Variants in BRCA1 observed in about 807,000 individuals in gnomAD.
BRCA1 encodes breast cancer type 1 susceptibility protein.
A neutral mutation model predicts 173.7 loss-of-function variants in BRCA1; 140 were observed. The observed-to-expected ratio is 0.81, with a 90% CI of 0.70 to 0.93. The LOEUF (loss-of-function observed/expected upper bound fraction) is 0.93. Among genes scored for constraint, BRCA1 ranks in the 40% least tolerant of loss-of-function variants. The pLI is 0.00. For missense variants in BRCA1, 1,983 were observed against 2,172.5 expected, an observed-to-expected ratio of 0.91 and a Z score of 1.73; for synonymous variants, 662 against 756.0, an observed-to-expected ratio of 0.88 and a Z score of 2.04.
In BRCA1 at chr17:43,048,199, T is replaced by C. The variant is rs1296701256; in HGVS notation, c.5407-496A>G. 2.6e-5 allele frequency among the ~76,000 whole-genome samples: 4 copies of C among 151,614 alleles called. No individual in the cohort carries two copies. The East Asian group carries it at 7.8e-4, about 30-fold the overall frequency. ...GTGGGGCACTGGCCCAGCCCATCATTTCTCTCTCTCTCTTTTTTTTTGAGA... is the reference window on the plus strand; with the variant it reads ...GTGGGGCACTGGCCCAGCCCATCATCTCTCTCTCTCTCTTTTTTTTTGAGA... On this transcript the variant is annotated intron_variant, in intron 21 of 22. Coordinates refer to ENST00000357654, the MANE Select transcript of BRCA1 (RefSeq NM_007294.4).
At chr17:43,064,060 G>T in intron 16 of BRCA1, 109 bp from the exon 17 acceptor site, 1 of 878,880 alleles carries the variant, frequency 1.1e-6, no homozygotes, top group Non-Finnish European at 1.9e-6. Flanking sequence ...GATCAATCTG[G>T]ATTTATGATT....
At chr17:43,161,520 T>C (rs1475021514) in intron 1 of BRCA1, 1 of 152,182 alleles carries the variant, frequency 6.6e-6, no homozygotes, top group African/African-American at 2.4e-5. Context: ...GTAGGCTCTA[T>C]GTCCACATAT....
intron 2 of BRCA1, among the ~76,000 whole-genome samples, chr17:43,117,473 G>A (rs2055348166): frequency 6.6e-6 from 1 of 151,996 alleles, no homozygotes; most frequent in African/African-American, 2.4e-5. Flanking sequence ...CAGACACGGG[G>A]GCTCATGCTT....
intron 1 of BRCA1, among the ~76,000 whole-genome samples, chr17:43,135,571 C>T (rs943621289): frequency 6.6e-6 from 1 of 152,190 alleles, no homozygotes; most frequent in Admixed American, 6.5e-5. Flanking sequence ...CCTTCATCCG[C>T]GTGGAACCTT....
At chr17:43,165,043 T>C (rs1284832437) in intron 1 of BRCA1, among the ~76,000 whole-genome samples, 1 of 152,192 alleles carries the variant, frequency 6.6e-6, no homozygotes, top group Non-Finnish European at 1.5e-5. Flanking sequence ...TAACAGTGCT[T>C]CTCGTATGAT....
intron 14 of BRCA1, among the ~76,000 whole-genome samples, chr17:43,071,582 C>A (rs2052445998): frequency 6.6e-6 from 1 of 151,960 alleles, no homozygotes; most frequent in African/African-American, 2.4e-5. Flanking sequence ...TTACGATATA[C>A]CTAGTCCAAT....
chr17:43,156,188 G>C (rs1268485437), intron 1 of BRCA1, among the ~76,000 whole-genome samples: 1 of 151,874 alleles, frequency 6.6e-6, no homozygotes, highest in African/African-American at 2.4e-5. Flanking sequence ...AGTCAGATGA[G>C]ATTGTGCCAC....
intron 3 of BRCA1, among the ~76,000 whole-genome samples, chr17:43,115,181 C>T (rs773082670): frequency 6.6e-5 from 10 of 152,164 alleles, no homozygotes; most frequent in African/African-American, 1.2e-4. Context: ...ATACAAAACA[C>T]TGTTCAAAAT....
At chr17:43,090,662 C>T (rs898513232) in intron 11 of BRCA1, among the ~76,000 whole-genome samples, 3 of 152,008 alleles carry the variant, frequency 2.0e-5, no homozygotes, top group South Asian at 2.1e-4. Context: ...AAATGGGTTT[C>T]GAAGGTTTAG....
At chr17:43,050,227 A>C (rs2051148130) in intron 20 of BRCA1, 1 of 397,308 alleles carries the variant, frequency 2.5e-6, no homozygotes, top group African/African-American at 2.1e-5. Context: ...ACACACACCA[A>C]GGCCTTTGTG....
At chr17:43,090,460 G>A (rs1441416905) in intron 11 of BRCA1, among the ~76,000 whole-genome samples, 2 of 152,140 alleles carry the variant, frequency 1.3e-5, no homozygotes, top group African/African-American at 4.8e-5. Context: ...TGCAACCTCC[G>A]CCTCCCAGGT....
Position 43,058,260 on chromosome 17 carries a change from A to G in BRCA1, c.5194-1125T>C, listed in dbSNP as rs561369681. On this transcript the variant is annotated intron_variant, in intron 18 of 22. Coordinates refer to ENST00000357654, the MANE Select transcript of BRCA1 (RefSeq NM_007294.4). ...ATAGTTGCATGTGCCTGCAGTCCCA[A>G]TTTCTTGAAAAGCTGAAGCTGGAGG... is the stretch of plus-strand genomic sequence containing the variant. Among the ~76,000 whole-genome samples the G allele has an allele frequency of 3.3e-5, 5 of 151,676 alleles. No homozygotes were observed. In the South Asian group the frequency reaches 1.0e-3, roughly 32 times the overall value.
At chr17:43,127,887 G>A (rs541882078), upstream of BRCA1, among the ~76,000 whole-genome samples, 1 of 152,028 alleles carries the variant, frequency 6.6e-6, no homozygotes, top group East Asian at 1.9e-4. Context: ...AGCTGGGTGC[G>A]GTGGTGGGTG....
Position 43,151,590 on chromosome 17 carries a change from T to G in BRCA1, c.-20+18536A>C, listed in dbSNP as rs1377858851. 2.6e-5 allele frequency among the ~76,000 whole-genome samples: 4 copies of G among 152,320 alleles called. No individual in the cohort carries two copies. The South Asian group carries it at 8.3e-4, about 32-fold the overall frequency. The stretch of plus-strand genomic sequence containing the variant: ...TTGTGCTAAAAGTTTTTTTTCCCTA[T>G]ATGTAAGATTTGTTTCAGGCTAGAT... On this transcript the variant is annotated intron_variant, in intron 1 of 7. Coordinates refer to the BRCA1 transcript ENST00000634433.
intron 1 of BRCA1, among the ~76,000 whole-genome samples, chr17:43,137,743 G>A (rs1415222108): frequency 6.6e-6 from 1 of 152,084 alleles, no homozygotes; most frequent in African/African-American, 2.4e-5. Flanking sequence ...CGGGCATGGT[G>A]GTGAGCACCT....
upstream of BRCA1, among the ~76,000 whole-genome samples, chr17:43,127,079 GC>G (rs1458066776): frequency 6.6e-6 from 1 of 152,208 alleles, no homozygotes; most frequent in Non-Finnish European, 1.5e-5. Flanking sequence ...AGGACCTGCA[GC>G]CCGCCATGCC....
intron 22 of BRCA1, 120 bp from the exon 23 acceptor site, chr17:43,045,922 A>ATTTT (rs375078966): frequency 6.7e-5 from 64 of 952,566 alleles, no homozygotes; most frequent in African/African-American, 8.8e-5. Flanking sequence ...GTAGAAGCTA[A>ATTTT]TTTTTTTTTT....
At chr17:43,049,499 T>C (rs2051116682) in intron 20 of BRCA1, among the ~76,000 whole-genome samples, 1 of 152,228 alleles carries the variant, frequency 6.6e-6, no homozygotes, top group African/African-American at 2.4e-5. Flanking sequence ...ATTAATTTGC[T>C]AAATTGCTGG....
chr17:43,071,166 C>G lies in BRCA1; in HGVS notation c.4748G>C (p.Arg1583Thr), dbSNP rs752624544. The G allele has an allele frequency of 6.2e-7, 1 of 1,614,184 alleles. No homozygotes were observed. The highest frequency in any genetic ancestry group is 2.2e-5 in the East Asian group (1 of 44,884). ...GCCAACACGAGCTGACTCTGGGGCT[C>G]TGTCTTCAGAAGGATCAGATTCAGG... ...DDPESDPSED[R>T]APESARVGNI... Residue 1583 changes from arginine to threonine, a missense_variant, in exon 15 of 23, where the codon AGA becomes ACA. Coordinates refer to ENST00000357654, the MANE Select transcript of BRCA1 (RefSeq NM_007294.4).
Sources: allele counts gnomAD v4.1 joint callset (sites outside exome capture counted in the v4.1 genomes callset), GRCh38; gene constraint gnomAD v4.1.1; transcripts MANE v1.5; gene names NCBI Gene and HGNC (gene_info 2026-07-23, HGNC 2026-07-21).